Variants in POR observed in about 807,000 individuals in gnomAD.
POR encodes the protein NADPH--cytochrome P450 reductase.
In POR, 56 loss-of-function variants were observed where a neutral mutation model predicts 84.0. That is an observed-to-expected ratio of 0.67 (90% confidence interval 0.54 to 0.83). The LOEUF (loss-of-function observed/expected upper bound fraction) is 0.83, where lower values mean the gene tolerates loss of function less well. Among genes scored for constraint, POR ranks in the 40% least tolerant of loss-of-function variants. The pLI, the probability that POR is intolerant of heterozygous loss-of-function variation, is 0.00. For missense variants in POR, 938 were observed against 944.3 expected, an observed-to-expected ratio of 0.99 and a Z score of 0.09; for synonymous variants, 414 against 400.5, an observed-to-expected ratio of 1.03 and a Z score of -0.40.
At position 75,984,684 on chromosome 7, in the gene POR, G is replaced by A. The variant is rs1404852583; in HGVS notation, c.1067-93G>A. 1.2e-5 allele frequency: 13 copies of A among 1,130,394 alleles called. No individual in the cohort carries two copies. The East Asian group carries it at 2.1e-4, about 18-fold the overall frequency. 70.0% of individuals were successfully genotyped at this position (1,130,394 alleles called of 1,614,324 possible). A position where few individuals can be genotyped will look rare whatever the true frequency, so the allele number is the denominator to read the frequency against. Reference sequence around the variant, plus strand: ...ACCAGCTGGGGCACCTGTTGCCGCAGAGCTGGCCCAAGGTGTCACCCCCTC... The same window carrying A: ...ACCAGCTGGGGCACCTGTTGCCGCAAAGCTGGCCCAAGGTGTCACCCCCTC... On this transcript the variant is annotated intron_variant, in intron 10 of 15. Transcript: ENST00000461988.
At chr7:75,983,208 G>A (rs1789164703) in intron 8 of POR, 1 of 272,214 alleles carries the variant, frequency 3.7e-6, no homozygotes, top group South Asian at 6.6e-5. Flanking sequence ...AGGCATGGTG[G>A]CGAATGCCTG....
chr7:75,975,875 C>T (rs940942256), intron 3 of POR, among the ~76,000 whole-genome samples: 2 of 113,760 alleles, frequency 1.8e-5, no homozygotes, highest in Non-Finnish European at 3.3e-5. Flanking sequence ...TGTTCTCAAA[C>T]TCCTGGGCTT....
intron 2 of POR, among the ~76,000 whole-genome samples, chr7:75,969,847 C>G (rs1161529300): frequency 1.3e-5 from 2 of 152,206 alleles, no homozygotes; most frequent in Non-Finnish European, 2.9e-5. Flanking sequence ...GATACACAGA[C>G]AGCCCCCAAG....
chr7:75,935,619 TTGTGTGTGTG>T (rs57899780), intron 1 of POR, among the ~76,000 whole-genome samples: 3,152 of 131,350 alleles, frequency 0.024, 83 homozygotes, highest in African/African-American at 0.065. Flanking sequence ...TGCTCGGGGC[TTGTGTGTGTG>T]TGTGTGTGTG....
chr7:75,951,688 C>G (rs1348478768), intron 1 of POR, among the ~76,000 whole-genome samples: 1 of 152,200 alleles, frequency 6.6e-6, no homozygotes, highest in Non-Finnish European at 1.5e-5. Context: ...CTGATTGAGT[C>G]TGGGTGCTCT....
At chr7:75,964,364 A>G (rs1047734863) in intron 2 of POR, among the ~76,000 whole-genome samples, 10 of 150,672 alleles carry the variant, frequency 6.6e-5, no homozygotes, top group South Asian at 2.1e-4. Flanking sequence ...CTGAAGTGCA[A>G]TGGCGCAATC....
At chr7:75,972,883 C>T (rs1056428206) in intron 3 of POR, 20 of 250,008 alleles carry the variant, frequency 8.0e-5, no homozygotes, top group Non-Finnish European at 1.2e-4. Context: ...AGTGCAGTGG[C>T]GCAATCTCGG....
intron 1 of POR, among the ~76,000 whole-genome samples, chr7:75,926,407 T>A (rs1402928108): frequency 6.6e-6 from 1 of 152,194 alleles, no homozygotes; most frequent in Non-Finnish European, 1.5e-5. Flanking sequence ...TCTGTTCCGA[T>A]ACTCCTGGCT....
intron 3 of POR, among the ~76,000 whole-genome samples, chr7:75,974,502 G>A (rs1395361982): frequency 3.6e-5 from 5 of 139,124 alleles, no homozygotes; most frequent in East Asian, 4.2e-4. Flanking sequence ...AGATGGCTTC[G>A]TTTCTTTTTC....
At chr7:75,984,555 C>T (rs1789289102) in intron 10 of POR, among the ~76,000 whole-genome samples, 1 of 152,176 alleles carries the variant, frequency 6.6e-6, no homozygotes, top group Non-Finnish European at 1.5e-5. Context: ...CGCACCTCCC[C>T]TAGCAGGGTC....
intron 4 of POR, among the ~76,000 whole-genome samples, 155 bp from the exon 5 acceptor site, chr7:75,980,184 C>T (rs1481028880): frequency 6.6e-6 from 1 of 152,218 alleles, no homozygotes; most frequent in African/African-American, 2.4e-5. Flanking sequence ...TGCCCCAGCC[C>T]CTCCGTGTTG....
At chr7:75,979,816 CCT>C (rs1385155489) in intron 4 of POR, 16 of 523,802 alleles carry the variant, frequency 3.1e-5, no homozygotes, top group African/African-American at 7.7e-5. Flanking sequence ...CTGGCCCTCC[CCT>C]GAGTGCCGGC....
At chr7:75,983,464 C>CA (rs1563432625) in intron 8 of POR, 56 bp from the exon 9 acceptor site, 14 of 1,278,006 alleles carry the variant, frequency 1.1e-5, no homozygotes. Context: ...TCCTTGGAGA[C>CA]GGAGACTCAG....
chr7:75,941,668 A>C (rs1807986921), intron 1 of POR, among the ~76,000 whole-genome samples: 1 of 152,150 alleles, frequency 6.6e-6, no homozygotes, highest in African/African-American at 2.4e-5. Flanking sequence ...ACAAGTTTCC[A>C]TGTTTTTTGT....
At chr7:75,980,853 G>A in intron 5 of POR, 195 bp from the exon 6 acceptor site, 1 of 1,101,456 alleles carries the variant, frequency 9.1e-7, no homozygotes, top group Non-Finnish European at 1.3e-6. Context: ...GCAGGCTGTG[G>A]GCTGCAGGTC....
intron 2 of POR, among the ~76,000 whole-genome samples, chr7:75,957,051 G>A (rs1276181463): frequency 2.0e-5 from 3 of 152,186 alleles, no homozygotes; most frequent in Non-Finnish European, 4.4e-5. Context: ...GAAATGCTTT[G>A]TGAACTGCTT....
chr7:75,969,010 GC>G (rs1452956363), intron 2 of POR, among the ~76,000 whole-genome samples: 2 of 152,222 alleles, frequency 1.3e-5, no homozygotes, highest in African/African-American at 4.8e-5. Context: ...TGAGAAGACA[GC>G]CCAGCTCGTC....
intron 1 of POR, among the ~76,000 whole-genome samples, chr7:75,936,850 C>T (rs1585092675): frequency 7.1e-6 from 1 of 141,478 alleles, no homozygotes; most frequent in Non-Finnish European, 1.5e-5. Flanking sequence ...TTTTTGAGAC[C>T]GAGTCCTGCT....
rs543794351 is a variant in POR, at chr7:75,969,917, C to T, written c.189-2496C>T. Among the ~76,000 whole-genome samples the T allele has an allele frequency of 2.8e-4, 43 of 152,290 alleles. 1 individual carries two copies. In the East Asian group the frequency reaches 5.4e-3, roughly 19 times the overall value. ...AATGTGCAGAGTAAAGTGCCTTGGC[C>T]GACCAGTGTGTGTGCCACAGCGAAG... is the stretch of plus-strand genomic sequence containing the variant. On this transcript the variant is annotated intron_variant, in intron 2 of 15. Coordinates refer to ENST00000461988, the MANE Select transcript of POR (RefSeq NM_000941.3).
Sources: gnomAD v4.1 joint callset for allele counts (sites outside exome capture counted in the v4.1 genomes callset) on GRCh38, gnomAD v4.1.1 for gene constraint, MANE v1.5 for transcripts, NCBI Gene and HGNC (gene_info 2026-07-23, HGNC 2026-07-21) for gene names.